Variants in GOLGA3 observed in about 807,000 individuals in gnomAD.
GOLGA3 encodes the protein golgin subfamily A member 3.
GOLGA3 carries 75 observed loss-of-function variants against 169.4 expected under a neutral mutation model. The observed-to-expected ratio is 0.44, with a 90% CI of 0.37 to 0.54. The LOEUF (loss-of-function observed/expected upper bound fraction) is 0.54. Among genes scored for constraint, GOLGA3 ranks in the 20% least tolerant of loss-of-function variants. The pLI, the probability that GOLGA3 is intolerant of heterozygous loss-of-function variation, is 0.00. For synonymous variants in GOLGA3, 824 were observed against 822.4 expected (o/e 1.00, Z -0.03); for missense variants, 1,899 against 1,930.0 (o/e 0.98, Z 0.30).
In GOLGA3 at chr12:132,826,133, G is replaced by A. The variant is rs909613326; in HGVS notation, c.-184+2670C>T. 113 of 1,577,890 alleles carry A rather than the reference G, an allele frequency of 7.2e-5. No homozygotes were observed. The East Asian group carries it at 2.1e-3, about 29-fold the overall frequency. On this transcript the variant is annotated intron_variant, in intron 1 of 23. Transcript: ENST00000450791. ...TCTGAGCAAGACAGTGCACCTCAAC[G>A]TGCTCCAGGTCACCAAGGCTGCCAG...
At chr12:132,820,590 T>C (rs926012159) in intron 2 of GOLGA3, among the ~76,000 whole-genome samples, 1 of 152,132 alleles carries the variant, frequency 6.6e-6, no homozygotes, top group African/African-American at 2.4e-5. Context: ...TGACTTCTGC[T>C]AGTAAATTAG....
At chr12:132,788,122 C>T (rs538203281) in intron 13 of GOLGA3, among the ~76,000 whole-genome samples, 16 of 152,162 alleles carry the variant, frequency 1.1e-4, no homozygotes, top group Admixed American at 6.5e-4. Flanking sequence ...AGAGCCGGCC[C>T]TCCCCTTGGC....
rs772486640 is a variant in GOLGA3 at position 132,774,318 on chromosome 12, T to C, written c.4146A>G (p.Arg1382=). 5.0e-6 allele frequency: 8 copies of C among 1,611,458 alleles called. No homozygotes were observed. Among genetic ancestry groups the C allele is most frequent in the Middle Eastern group, 1.7e-4 (1 of 6,056 alleles). The part of the protein sequence containing the change: ...LDLRRGAAKT[R]KEPKGEASSS... ...AGCTGGCCTCGCCTTTCGGCTCCTT[T>C]CTCTGTTTTTAAAAGCACATGATCA... Residue 1382 remains arginine (R), a splice_region_variant and synonymous_variant, in exon 23 of 24, where the codon AGA becomes AGG. Transcript: ENST00000450791.
chr12:132,800,183 G>T (rs548238648), intron 8 of GOLGA3, among the ~76,000 whole-genome samples: 1 of 152,104 alleles, frequency 6.6e-6, no homozygotes, highest in Non-Finnish European at 1.5e-5. Flanking sequence ...ATGCTTTTCC[G>T]TATTGTTCTT....
At chr12:132,794,832 C>T (rs1948750291) in intron 11 of GOLGA3, among the ~76,000 whole-genome samples, 1 of 152,194 alleles carries the variant, frequency 6.6e-6, no homozygotes, top group South Asian at 2.1e-4. Context: ...TTTGTAGTGA[C>T]AGCTTCCTTC....
rs949393389 is a variant in GOLGA3 at position 132,828,839 on chromosome 12, G to C, written c.-220C>G. The C allele has an allele frequency of 1.2e-4, 19 of 152,252 alleles. No homozygotes were observed. The highest frequency in any genetic ancestry group is 3.9e-4 in the African/African-American group (16 of 41,464). 9.4% of individuals were successfully genotyped at this position (152,252 alleles called of 1,614,324 possible). ...GGCAGCCCCGGAGGCCGCCCGGCCC[G>C]GATGCTCCGGCGGAGACGTGGCCGT... On this transcript the variant is annotated 5_prime_UTR_variant, in exon 1 of 24. Transcript: ENST00000450791.
Position 132,816,798 on chromosome 12 carries a change from T to C in GOLGA3, c.148A>G (p.Arg50Gly). The stretch of plus-strand genomic sequence containing the variant: ...GGGCTTTCCCCTTCCGTGGATGCTC[T>C]GTTTACCTCGGCACCTGGAAAGACA... ...QDKVQCAEVN[R>G]ASTEGESPDG... Residue 50 changes from arginine (R) to glycine (G), a missense_variant, in exon 3 of 24, where the codon AGA (arginine) becomes GGA (glycine). Physicochemically the swap from Arg to Gly is moderately radical, Grantham distance 125. Transcript: ENST00000450791. The C allele has an allele frequency of 6.3e-7, 1 of 1,597,042 alleles. No individual in the cohort carries two copies. The highest frequency in any genetic ancestry group is 8.6e-7 in the Non-Finnish European group (1 of 1,167,650).
At chr12:132,807,760 G>GGCCC in intron 5 of GOLGA3, 131 bp downstream of exon 5, 12 of 253,652 alleles carry the variant, frequency 4.7e-5, no homozygotes, top group Admixed American at 5.6e-5. Context: ...GCCCGTCTCT[G>GGCCC]CCCACCCCGC....
At chr12:132,813,463 G>T (rs961531940) in intron 3 of GOLGA3, 44 bp from the exon 4 acceptor site, 3 of 1,074,456 alleles carry the variant, frequency 2.8e-6, no homozygotes, top group African/African-American at 3.1e-5. Context: ...AAAATACCAG[G>T]ATGCAGAACA....
intron 11 of GOLGA3, among the ~76,000 whole-genome samples, chr12:132,795,414 G>T (rs1415522099): frequency 1.3e-5 from 2 of 150,144 alleles, no homozygotes; most frequent in South Asian, 2.1e-4. Flanking sequence ...ATCACTTGAG[G>T]TTAGGAGTTC....
intron 2 of GOLGA3, among the ~76,000 whole-genome samples, chr12:132,818,689 C>G (rs1281327286): frequency 6.6e-6 from 1 of 152,214 alleles, no homozygotes; most frequent in African/African-American, 2.4e-5. Flanking sequence ...CAGTGTTAAT[C>G]AGAGTCACAG....
chr12:132,803,133 C>A (rs11147082), intron 7 of GOLGA3, among the ~76,000 whole-genome samples: 14,475 of 152,114 alleles, frequency 0.095, 1,437 homozygotes, highest in East Asian at 0.46. Flanking sequence ...TCTTTAACTG[C>A]AAAATTACCC....
In GOLGA3 at chr12:132,807,963, G is replaced by A. The variant is rs1315168399; in HGVS notation, c.1106C>T (p.Ala369Val). ...PSIKDVLQAA[A>V]AEHQDQGQEV... is the part of the protein sequence containing the mutation. Reference sequence around the variant, plus strand: ...CTGCCCCTGGTCTTGGTGCTCAGCGGCTGCGGCCTGGAGGACGTCCTTAAT... The same window carrying A: ...CTGCCCCTGGTCTTGGTGCTCAGCGACTGCGGCCTGGAGGACGTCCTTAAT... The change falls in exon 5 of 24, where the codon GCC becomes GTC. Residue 369 changes from alanine (A) to valine (V), a missense_variant. By Grantham distance (64) the Ala-to-Val change is moderately conservative. Transcript: ENST00000450791. 6.2e-7 allele frequency: 1 copy of A among 1,613,342 alleles called. No individual in the cohort carries two copies. Among genetic ancestry groups the A allele is most frequent in the East Asian group, 2.2e-5 (1 of 44,878 alleles).
chr12:132,774,884 C>T (rs1263667481), intron 22 of GOLGA3: 29 of 536,736 alleles, frequency 5.4e-5, no homozygotes, highest in South Asian at 4.1e-4. Context: ...CACAGACCAC[C>T]GCTCATCTGC....
chr12:132,771,267 T>A lies in GOLGA3; in HGVS notation c.*1838A>T, dbSNP rs2044885688. ...AACACAAATAGCTTAAAACACACCA[T>A]ACTGTTTTCTCCACAAAACAGACAC... is the stretch of plus-strand genomic sequence containing the variant. On this transcript the variant is annotated 3_prime_UTR_variant, in exon 24 of 24. Transcript: ENST00000450791. The A allele has an allele frequency of 4.6e-5, 7 of 152,602 alleles. No individual in the cohort carries two copies. Among genetic ancestry groups the A allele is most frequent in the Admixed American group, 4.6e-4 (7 of 15,266 alleles). The allele number at this position is 152,602 out of a possible 1,614,324, so 9.5% of individuals were successfully genotyped here.
At position 132,799,861 on chromosome 12, in the gene GOLGA3, C is replaced by A. The variant is rs71452538; in HGVS notation, c.1801-1384G>T. 9.5e-3 allele frequency among the ~76,000 whole-genome samples: 1,450 copies of A among 152,218 alleles called. 17 individuals carry two copies. Among genetic ancestry groups the A allele is most frequent in the Non-Finnish European group, 0.016 (1,077 of 68,002 alleles). On this transcript the variant is annotated intron_variant, in intron 8 of 23. Coordinates refer to ENST00000450791, the MANE Select transcript of GOLGA3 (RefSeq NM_001389683.1). The stretch of plus-strand genomic sequence containing the variant: ...ATTCAAGCACATCTCATGCCTCAGC[C>A]TCCCAAGTAGCTGGGACTACAGGCA...
Position 132,826,488 on chromosome 12 carries a change from C to T in GOLGA3, c.-184+2315G>A, listed in dbSNP as rs551715164. ...ACGCTCAGGTTCCACCGAGAGGGCA[C>T]GCCAACATGGTGACAGCCAACCGCA... On this transcript the variant is annotated intron_variant, in intron 1 of 23. Transcript: ENST00000450791. Among the ~76,000 whole-genome samples the T allele has an allele frequency of 2.7e-4, 41 of 152,124 alleles. 1 individual carries two copies. The East Asian group carries it at 6.6e-3, about 25-fold the overall frequency.
intron 9 of GOLGA3, among the ~76,000 whole-genome samples, chr12:132,797,610 G>T (rs1593302169): frequency 6.6e-6 from 1 of 152,290 alleles, no homozygotes; most frequent in East Asian, 1.9e-4. Flanking sequence ...TACTCGGGAG[G>T]CTGAGGCAGG....
At chr12:132,800,029 C>G (rs1401546447) in intron 8 of GOLGA3, among the ~76,000 whole-genome samples, 1 of 152,194 alleles carries the variant, frequency 6.6e-6, no homozygotes, top group East Asian at 1.9e-4. Flanking sequence ...GCATGCGCTA[C>G]TGCACCTGGC....
Sources: gnomAD v4.1 joint callset for allele counts (sites outside exome capture counted in the v4.1 genomes callset) on GRCh38, gnomAD v4.1.1 for gene constraint, MANE v1.5 for transcripts, NCBI Gene and HGNC (gene_info 2026-07-23, HGNC 2026-07-21) for gene names.